SNX32: variants seen among roughly 807,000 people sequenced by gnomAD.
SNX32 encodes the protein sorting nexin 32.
A neutral mutation model predicts 57.0 loss-of-function variants in SNX32; 58 were observed. The ratio of observed to expected loss-of-function variants is 1.02; its 90% confidence interval spans 0.82 to 1.27. The LOEUF (loss-of-function observed/expected upper bound fraction) is 1.27, where lower values mean the gene tolerates loss of function less well. Among genes scored for constraint, SNX32 ranks in the 50% most tolerant of loss-of-function variants. The probability of loss-of-function intolerance (pLI) is 0.00; values close to 1 mark genes in which losing one functional copy is unlikely to be tolerated. For missense variants in SNX32, 589 were observed against 541.2 expected (o/e 1.09, Z -0.88); for synonymous variants, 262 against 220.4 (o/e 1.19, Z -1.67).
chr11:65,840,656 T>C (rs372367528), intron 1 of SNX32, among the ~76,000 whole-genome samples: 3 of 151,820 alleles, frequency 2.0e-5, no homozygotes, highest in East Asian at 1.9e-4. Flanking sequence ...ATACAAAAAT[T>C]AGCCAGGCAT....
intron 1 of SNX32, among the ~76,000 whole-genome samples, chr11:65,843,148 G>C (rs1285954933): frequency 6.7e-6 from 1 of 149,596 alleles, no homozygotes; most frequent in African/African-American, 2.5e-5. Flanking sequence ...TTGAACCCAG[G>C]AGGTGGAGCT....
chr11:65,849,439 C>T, intron 1 of SNX32, 39 bp from the exon 2 acceptor site: 1 of 1,515,426 alleles, frequency 6.6e-7, no homozygotes, highest in South Asian at 1.2e-5. Context: ...GGCAAAGGGG[C>T]CATGCTCAGC....
At chr11:65,848,213 TG>T (rs1384832858) in intron 1 of SNX32, among the ~76,000 whole-genome samples, 1 of 152,164 alleles carries the variant, frequency 6.6e-6, no homozygotes, top group Non-Finnish European at 1.5e-5. Context: ...TGTATACTGG[TG>T]AGCAATGCTG....
intron 1 of SNX32, among the ~76,000 whole-genome samples, chr11:65,844,705 A>ATC: frequency 6.6e-6 from 1 of 151,978 alleles, no homozygotes; most frequent in Admixed American, 6.6e-5. Flanking sequence ...GGTGGCTCAC[A>ATC]TCTGTAATCC....
intron 4 of SNX32, 63 bp from the exon 5 acceptor site, chr11:65,850,368 G>A: frequency 1.2e-6 from 2 of 1,612,454 alleles, no homozygotes; most frequent in South Asian, 1.1e-5. Context: ...TCTGACCCCA[G>A]AAAGGGGGCA....
At chr11:65,838,680 T>G (rs944826432) in intron 1 of SNX32, among the ~76,000 whole-genome samples, 4 of 152,162 alleles carry the variant, frequency 2.6e-5, no homozygotes, top group African/African-American at 9.7e-5. Flanking sequence ...AATACATTAT[T>G]TCAAATGCAC....
intron 1 of SNX32, among the ~76,000 whole-genome samples, chr11:65,844,012 C>A (rs1201204611): frequency 2.0e-5 from 3 of 152,128 alleles, no homozygotes; most frequent in Non-Finnish European, 4.4e-5. Context: ...ACTCCCCATG[C>A]GCAATTACCA....
In SNX32 at chr11:65,853,428, C is replaced by T; in HGVS notation, c.*93C>T. 3.9e-6 allele frequency: 5 copies of T among 1,288,070 alleles called. No individual in the cohort carries two copies. Among genetic ancestry groups the T allele is most frequent in the Non-Finnish European group, 5.6e-6 (5 of 891,782 alleles). 79.8% of individuals were successfully genotyped at this position (1,288,070 alleles called of 1,614,324 possible). On this transcript the variant is annotated 3_prime_UTR_variant, in exon 13 of 13. Coordinates refer to ENST00000308342, the MANE Select transcript of SNX32 (RefSeq NM_152760.3). ...TCCGGCAAGATGTCTCCTTCCCTAGCAGTGCCACTAGCCACACCCTCACTC... is the reference window on the plus strand; with the variant it reads ...TCCGGCAAGATGTCTCCTTCCCTAGTAGTGCCACTAGCCACACCCTCACTC...
At chr11:65,834,460 GTGTC>G (rs533447943) in intron 1 of SNX32, among the ~76,000 whole-genome samples, 11 of 150,750 alleles carry the variant, frequency 7.3e-5, no homozygotes, top group Admixed American at 7.3e-4. Flanking sequence ...TGGCCTGTGT[GTGTC>G]TGTGTGTGTG....
At chr11:65,844,038 G>A (rs1418432869) in intron 1 of SNX32, among the ~76,000 whole-genome samples, 1 of 152,060 alleles carries the variant, frequency 6.6e-6, no homozygotes, top group Non-Finnish European at 1.5e-5. Flanking sequence ...GGACTAACAG[G>A]GTGAAAGTAA....
chr11:65,852,585 G>A (rs199720353), intron 10 of SNX32, 34 bp downstream of exon 10: 118 of 1,613,862 alleles, frequency 7.3e-5, no homozygotes, highest in African/African-American at 1.1e-4. Context: ...GCTCAGGCCC[G>A]GATGCCAGGA....
chr11:65,846,939 C>T (rs1424739417), intron 1 of SNX32, among the ~76,000 whole-genome samples: 3 of 148,224 alleles, frequency 2.0e-5, no homozygotes, highest in African/African-American at 5.0e-5. Context: ...GCTGAGATTG[C>T]ACCATTGCAC....
chr11:65,851,292 G>C, intron 7 of SNX32, 36 bp from the exon 8 acceptor site: 6 of 1,612,466 alleles, frequency 3.7e-6, no homozygotes, highest in Non-Finnish European at 5.1e-6. Context: ...TTGACATGCA[G>C]ATGTAGGGGC....
At chr11:65,850,618 C>G (rs1859150628) in intron 5 of SNX32, 64 bp downstream of exon 5, 14 of 1,561,440 alleles carry the variant, frequency 9.0e-6, no homozygotes, top group Non-Finnish European at 1.1e-5. Flanking sequence ...TGGGGAGGCA[C>G]CCAGGGGTGG....
At chr11:65,849,862 C>G (rs1859112121) in intron 2 of SNX32, 58 bp from the exon 3 acceptor site, 3 of 1,422,884 alleles carry the variant, frequency 2.1e-6, no homozygotes, top group Non-Finnish European at 2.9e-6. Flanking sequence ...CATGCCCAGA[C>G]TTGCTGAGGC....
At chr11:65,847,555 A>G (rs957412723) in intron 1 of SNX32, among the ~76,000 whole-genome samples, 2 of 152,152 alleles carry the variant, frequency 1.3e-5, no homozygotes, top group Non-Finnish European at 2.9e-5. Context: ...TATACAAATA[A>G]TTGGTGCTTT....
At chr11:65,853,018 C>T in intron 12 of SNX32, 60 bp downstream of exon 12, 2 of 1,555,584 alleles carry the variant, frequency 1.3e-6, no homozygotes, top group South Asian at 1.1e-5. Flanking sequence ...CTCCCTCCCT[C>T]CCCCAGGCAC....
chr11:65,839,806 T>C lies in SNX32; in HGVS notation c.36+5705T>C, dbSNP rs527798293. On this transcript the variant is annotated intron_variant, in intron 1 of 12. Coordinates refer to ENST00000308342, the MANE Select transcript of SNX32 (RefSeq NM_152760.3). The stretch of plus-strand genomic sequence containing the variant: ...ATAATACTTCATGAACAAGGCCTTC[T>C]TCCAGGAATGCAAGGTGGTTTAACA... Among the ~76,000 whole-genome samples the C allele has an allele frequency of 2.6e-5, 4 of 151,884 alleles. No homozygotes were observed. The East Asian group carries it at 7.8e-4, about 29-fold the overall frequency.
chr11:65,851,779 T>C, intron 9 of SNX32, 100 bp downstream of exon 9: 1 of 1,389,850 alleles, frequency 7.2e-7, no homozygotes, highest in South Asian at 1.2e-5. Context: ...TTGGGTTCAG[T>C]GATAACTTGG....
Sources: allele counts gnomAD v4.1 joint callset (sites outside exome capture counted in the v4.1 genomes callset), GRCh38; gene constraint gnomAD v4.1.1; transcripts MANE v1.5; gene names NCBI Gene and HGNC (gene_info 2026-07-23, HGNC 2026-07-21).